Variants in ZMYND8 observed in about 807,000 individuals in gnomAD.
ZMYND8 encodes the protein zinc finger MYND-type containing 8, also known as MYND-type zinc finger-containing chromatin reader ZMYND8.
ZMYND8 carries 37 observed loss-of-function variants against 140.8 expected under a neutral mutation model. The ratio of observed to expected loss-of-function variants is 0.26; its 90% confidence interval spans 0.20 to 0.35. ZMYND8 has a LOEUF of 0.35. Among genes scored for constraint, ZMYND8 ranks in the 10% least tolerant of loss-of-function variants. The pLI is 1.00. For synonymous variants in ZMYND8, 592 were observed against 597.1 expected, an observed-to-expected ratio of 0.99 and a Z score of 0.12; for missense variants, 1,068 against 1,570.0, an observed-to-expected ratio of 0.68 and a Z score of 5.40.
intron 3 of ZMYND8, among the ~76,000 whole-genome samples, chr20:47,302,681 G>C (rs907853283): frequency 2.6e-5 from 4 of 151,914 alleles, no homozygotes; most frequent in African/African-American, 9.7e-5. Flanking sequence ...ACTCAAACCT[G>C]GGTCTCCCAG....
At position 47,221,296 on chromosome 20, in the gene ZMYND8, G is replaced by A; in HGVS notation, c.3417+18C>T. The A allele has an allele frequency of 6.2e-7, 1 of 1,613,396 alleles. No homozygotes were observed. Among genetic ancestry groups the A allele is most frequent in the Non-Finnish European group, 8.5e-7 (1 of 1,179,930 alleles). On this transcript the variant is annotated intron_variant, in intron 20 of 22. Coordinates refer to ENST00000471951, the MANE Select transcript of ZMYND8 (RefSeq NM_001281775.3). ...AAAGGGTAGATGTCACTAGCCAAAG[G>A]CATGGGGGGATCCTCACCGAGCCAC...
chr20:47,250,184 C>T (rs1027980253), intron 12 of ZMYND8, among the ~76,000 whole-genome samples: 3 of 152,292 alleles, frequency 2.0e-5, no homozygotes, highest in East Asian at 3.9e-4. Context: ...GTCCTGTCCC[C>T]TCACTTCTTC....
At chr20:47,333,149 C>A (rs1399639020) in intron 2 of ZMYND8, among the ~76,000 whole-genome samples, 1 of 151,890 alleles carries the variant, frequency 6.6e-6, no homozygotes, top group African/African-American at 2.4e-5. Context: ...GAGTTCCAGA[C>A]CAGCCTAGGC....
chr20:47,262,522 A>G, intron 11 of ZMYND8, 94 bp from the exon 12 acceptor site: 1 of 1,517,440 alleles, frequency 6.6e-7, no homozygotes, highest in South Asian at 1.2e-5. Flanking sequence ...AGATTATGAA[A>G]TTGTGTTTGA....
chr20:47,309,050 C>T (rs2078717443), intron 3 of ZMYND8, among the ~76,000 whole-genome samples: 1 of 152,170 alleles, frequency 6.6e-6, no homozygotes, highest in African/African-American at 2.4e-5. Flanking sequence ...ATACAATCCA[C>T]CAGTAAGTCC....
chr20:47,288,789 T>A (rs944753774), intron 7 of ZMYND8, among the ~76,000 whole-genome samples: 1 of 152,208 alleles, frequency 6.6e-6, no homozygotes, highest in Admixed American at 6.5e-5. Flanking sequence ...AAAGCAGATA[T>A]GCATATATCT....
rs1208531665 is a variant in ZMYND8, at chr20:47,349,719, T to C, written c.15-1793A>G. The stretch of plus-strand genomic sequence containing the variant: ...GCAACTAGAATTCTGTTTCCCTCTC[T>C]AGCATGAAGTATGTGAAATTCTAAA... On this transcript the variant is annotated intron_variant, in intron 1 of 22. Coordinates refer to ENST00000471951, the MANE Select transcript of ZMYND8 (RefSeq NM_001281775.3). 8.2e-6 allele frequency: 10 copies of C among 1,222,412 alleles called. No homozygotes were observed. The East Asian group carries it at 2.6e-4, about 32-fold the overall frequency. 75.7% of individuals were successfully genotyped at this position (1,222,412 alleles called of 1,614,324 possible).
At chr20:47,329,325 C>T (rs1291204216) in intron 2 of ZMYND8, among the ~76,000 whole-genome samples, 2 of 152,224 alleles carry the variant, frequency 1.3e-5, no homozygotes, top group East Asian at 1.9e-4. Flanking sequence ...TGTCTAATAA[C>T]AGCAGCCTCT....
Position 47,229,710 on chromosome 20 carries a change from A to G in ZMYND8, c.2937+16T>C. The G allele has an allele frequency of 1.2e-6, 2 of 1,609,580 alleles. No individual in the cohort carries two copies. The highest frequency in any genetic ancestry group is 2.2e-5 in the East Asian group (1 of 44,838). On this transcript the variant is annotated intron_variant, in intron 17 of 22. Coordinates refer to ENST00000471951, the MANE Select transcript of ZMYND8 (RefSeq NM_001281775.3). ...AACACTCTTAGCAAATAAGAAATTCATGTGTCATCTCTGACCTCAGCTATT... is the reference window on the plus strand; with the variant it reads ...AACACTCTTAGCAAATAAGAAATTCGTGTGTCATCTCTGACCTCAGCTATT...
chr20:47,295,237 A>G (rs1019066647), intron 4 of ZMYND8, among the ~76,000 whole-genome samples: 1 of 152,100 alleles, frequency 6.6e-6, no homozygotes, highest in African/African-American at 2.4e-5. Context: ...ACAAAAAAAT[A>G]CAAAAACTAG....
intron 2 of ZMYND8, among the ~76,000 whole-genome samples, chr20:47,323,259 G>A (rs1199453402): frequency 6.6e-6 from 1 of 151,876 alleles, no homozygotes; most frequent in Non-Finnish European, 1.5e-5. Context: ...TCTTTTTTGG[G>A]GGAGACAGGG....
At chr20:47,210,940 C>A (rs368691645) in intron 22 of ZMYND8, 43 bp from the exon 23 acceptor site, 2 of 1,597,602 alleles carry the variant, frequency 1.3e-6, no homozygotes, top group South Asian at 1.1e-5. Context: ...TGCCCACCTG[C>A]GCCTGAGCAC....
chr20:47,337,181 G>A (rs2081452466), intron 2 of ZMYND8, among the ~76,000 whole-genome samples: 1 of 151,890 alleles, frequency 6.6e-6, no homozygotes, highest in African/African-American at 2.4e-5. Flanking sequence ...GTGAAACCCT[G>A]TCTCTACTAA....
At chr20:47,325,597 G>C (rs866064378) in intron 2 of ZMYND8, among the ~76,000 whole-genome samples, 7 of 152,074 alleles carry the variant, frequency 4.6e-5, no homozygotes, top group Non-Finnish European at 1.0e-4. Context: ...CTTTCAACAG[G>C]TACTCAGCCA....
intron 6 of ZMYND8, 55 bp downstream of exon 6, chr20:47,291,741 C>G: frequency 6.9e-7 from 1 of 1,447,222 alleles, no homozygotes; most frequent in Non-Finnish European, 9.5e-7. Context: ...GAGGGAAGAG[C>G]CTTAGGCATC....
intron 13 of ZMYND8, 47 bp downstream of exon 13, chr20:47,249,237 AATG>A (rs1231138911): frequency 1.3e-6 from 2 of 1,590,114 alleles, no homozygotes; most frequent in African/African-American, 1.4e-5. Flanking sequence ...CCCTACCAGT[AATG>A]ATAACAATGA....
chr20:47,230,062 C>A (rs1322594840), intron 16 of ZMYND8, among the ~76,000 whole-genome samples: 5 of 152,090 alleles, frequency 3.3e-5, no homozygotes, highest in African/African-American at 9.7e-5. Flanking sequence ...CACGGAAGGA[C>A]CCCACACAAA....
chr20:47,286,580 T>A (rs1176167856), intron 8 of ZMYND8, among the ~76,000 whole-genome samples: 1 of 152,226 alleles, frequency 6.6e-6, no homozygotes, highest in Non-Finnish European at 1.5e-5. Flanking sequence ...CAGTGCTATC[T>A]GAACAGTTTT....
intron 21 of ZMYND8, among the ~76,000 whole-genome samples, chr20:47,218,171 C>G (rs1480515072): frequency 6.6e-6 from 1 of 152,218 alleles, no homozygotes; most frequent in African/African-American, 2.4e-5. Context: ...GGTAATACTC[C>G]TCCAGCTCAG....
Sources: gnomAD v4.1 joint callset for allele counts (sites outside exome capture counted in the v4.1 genomes callset) on GRCh38, gnomAD v4.1.1 for gene constraint, MANE v1.5 for transcripts, NCBI Gene and HGNC (gene_info 2026-07-23, HGNC 2026-07-21) for gene names.